Variants in ZHX3 observed in about 807,000 individuals in gnomAD.
The protein encoded by ZHX3 is zinc fingers and homeoboxes protein 3.
A neutral mutation model predicts 64.5 loss-of-function variants in ZHX3; 20 were observed. The observed-to-expected ratio is 0.31, with a 90% CI of 0.22 to 0.45. ZHX3 has a LOEUF of 0.45. Ranked by LOEUF, ZHX3 falls within the 20% of genes least tolerant of loss-of-function variation. ZHX3 has a pLI of 1.00. For missense variants in ZHX3, 1,041 were observed against 1,195.8 expected, an observed-to-expected ratio of 0.87 and a Z score of 1.91; for synonymous variants, 423 against 461.6, an observed-to-expected ratio of 0.92 and a Z score of 1.07.
chr20:41,204,898 A>C lies in ZHX3; in HGVS notation c.19T>G (p.Ser7Ala). The C allele has an allele frequency of 6.5e-7, 1 of 1,533,074 alleles. No individual in the cohort carries two copies. Among genetic ancestry groups the C allele is most frequent in the Non-Finnish European group, 8.8e-7 (1 of 1,141,008 alleles). 95.0% of individuals were successfully genotyped at this position (1,533,074 alleles called of 1,614,324 possible). The change falls in exon 3 of 4, where the codon TCC becomes GCC. Residue 7 changes from serine (S) to alanine (A), a missense_variant. By Grantham distance (99) the Ser-to-Ala change is moderately conservative. Coordinates refer to ENST00000683867, the MANE Select transcript of ZHX3 (RefSeq NM_001384317.1). This position sits in a 1 kb window ranked among gnomAD's most constrained non-coding sequence, Gnocchi z 6.6. MASKRK[S>A]TTPCMIPVKT... ...ACTGGGATCATGCATGGTGTGGTGG[A>C]TTTCCTCTTGCTGGCCATGGTGACA...
At chr20:41,308,684 T>G (rs1248875110) in intron 1 of ZHX3, among the ~76,000 whole-genome samples, 1 of 152,230 alleles carries the variant, frequency 6.6e-6, no homozygotes, top group Non-Finnish European at 1.5e-5. Flanking sequence ...GCTATTCTTT[T>G]GCAGGATTCC....
At chr20:41,265,190 C>A (rs2042776193) in intron 2 of ZHX3, among the ~76,000 whole-genome samples, 1 of 150,780 alleles carries the variant, frequency 6.6e-6, no homozygotes, top group African/African-American at 2.4e-5. Flanking sequence ...TCACTGAAGT[C>A]ATTACGATAA....
chr20:41,282,361 CTTTTT>C (rs568284480), intron 1 of ZHX3, among the ~76,000 whole-genome samples: 13 of 97,200 alleles, frequency 1.3e-4, no homozygotes, highest in African/African-American at 4.6e-4. Flanking sequence ...CACAATTCAT[CTTTTT>C]TTTTTTTTTT....
intron 2 of ZHX3, among the ~76,000 whole-genome samples, chr20:41,217,283 AG>A (rs2039596700): frequency 6.6e-6 from 1 of 152,150 alleles, no homozygotes; most frequent in Non-Finnish European, 1.5e-5. Flanking sequence ...CCAACCCCCT[AG>A]AAAAAAATGA....
chr20:41,277,242 C>T (rs765394271), intron 1 of ZHX3, among the ~76,000 whole-genome samples: 2 of 152,288 alleles, frequency 1.3e-5, no homozygotes, highest in Non-Finnish European at 2.9e-5. Context: ...AGCAGGACGA[C>T]TGCTAGAGCC....
intron 1 of ZHX3, among the ~76,000 whole-genome samples, chr20:41,301,185 CCTCTTCTTTAAG>C (rs1445498455): frequency 6.6e-6 from 1 of 152,088 alleles, no homozygotes; most frequent in Non-Finnish European, 1.5e-5. Context: ...CCAGCCTGAA[CCTCTTCTTTAAG>C]CTCCAGACTT....
intron 1 of ZHX3, among the ~76,000 whole-genome samples, chr20:41,298,383 G>T (rs1294572029): frequency 6.6e-6 from 1 of 152,186 alleles, no homozygotes; most frequent in African/African-American, 2.4e-5. Flanking sequence ...GACATGCTAT[G>T]AGGGCTCAAT....
rs553037360 is a variant in ZHX3, at chr20:41,315,981, C to CT, written c.-245+1527dup. ...AAGAAAAAAGCACTCCACCATGAGACTTCCCTTGTCTGAAATCTTACTTCA... is the reference window on the plus strand; with the variant it reads ...AAGAAAAAAGCACTCCACCATGAGACTTTCCCTTGTCTGAAATCTTACTTCA... On this transcript the variant is annotated intron_variant, in intron 1 of 3. Transcript: ENST00000683867. 3.9e-3 allele frequency among the ~76,000 whole-genome samples: 583 copies of CT among 150,320 alleles called. 8 individuals carry two copies. The highest frequency in any genetic ancestry group is 0.021 in the East Asian group (106 of 5,152).
chr20:41,187,565 G>A (rs760078982), intron 3 of ZHX3, among the ~76,000 whole-genome samples: 1 of 152,036 alleles, frequency 6.6e-6, no homozygotes, highest in African/African-American at 2.4e-5. Flanking sequence ...TTGCACCCCT[G>A]TCAAAAATCA....
intron 2 of ZHX3, chr20:41,213,783 G>C (rs1488772380): frequency 1.3e-5 from 2 of 152,296 alleles, no homozygotes; most frequent in South Asian, 4.1e-4. Context: ...TTTGGCAATA[G>C]TCCCAATGTC....
chr20:41,275,428 GC>G (rs1285823557), intron 1 of ZHX3, among the ~76,000 whole-genome samples: 1 of 152,022 alleles, frequency 6.6e-6, no homozygotes, highest in Non-Finnish European at 1.5e-5. Context: ...GTTGAAGAGG[GC>G]AAGGGAAAAA....
intron 1 of ZHX3, among the ~76,000 whole-genome samples, chr20:41,272,984 TC>T (rs1298888098): frequency 2.6e-5 from 4 of 152,186 alleles, no homozygotes; most frequent in Non-Finnish European, 5.9e-5. Context: ...CATTTTACAT[TC>T]CCACCAGCAA....
At chr20:41,207,400 A>G (rs967348542) in intron 2 of ZHX3, among the ~76,000 whole-genome samples, 15 of 152,232 alleles carry the variant, frequency 9.9e-5, no homozygotes, top group African/African-American at 3.6e-4. Context: ...CATTTGTCTC[A>G]GCACCACAGC....
intron 3 of ZHX3, among the ~76,000 whole-genome samples, chr20:41,199,040 G>A: frequency 6.6e-6 from 1 of 151,920 alleles, no homozygotes; most frequent in Middle Eastern, 3.4e-3. Context: ...CCATTTCAGG[G>A]ATTATACTTT....
chr20:41,294,136 G>A (rs1311202539), intron 1 of ZHX3, among the ~76,000 whole-genome samples: 2 of 152,206 alleles, frequency 1.3e-5, no homozygotes, highest in Non-Finnish European at 2.9e-5. Context: ...GGGAGTAGTA[G>A]CTCAGGGGAC....
At chr20:41,237,986 T>C (rs1402260989) in intron 2 of ZHX3, among the ~76,000 whole-genome samples, 2 of 152,160 alleles carry the variant, frequency 1.3e-5, no homozygotes, top group Non-Finnish European at 2.9e-5. Context: ...AACTATAAGA[T>C]CTTTGAGGTA....
chr20:41,311,235 AT>A (rs528116433), intron 1 of ZHX3, among the ~76,000 whole-genome samples: 57 of 151,790 alleles, frequency 3.8e-4, no homozygotes, highest in Admixed American at 2.8e-3. Flanking sequence ...TTTCTTGAGG[AT>A]TTTTTTTTCT....
intron 1 of ZHX3, among the ~76,000 whole-genome samples, chr20:41,276,194 T>C (rs1568932977): frequency 6.6e-6 from 1 of 152,062 alleles, no homozygotes; most frequent in Non-Finnish European, 1.5e-5. Flanking sequence ...GTCTGTGGGA[T>C]TTTTTTTGTT....
At chr20:41,241,658 A>G (rs1031877973) in intron 2 of ZHX3, among the ~76,000 whole-genome samples, 63 of 152,180 alleles carry the variant, frequency 4.1e-4, no homozygotes, top group East Asian at 1.9e-4. Context: ...AACTCTGTGT[A>G]TAATTTGAAG....
Sources: gnomAD v4.1 joint callset for allele counts (sites outside exome capture counted in the v4.1 genomes callset) on GRCh38, gnomAD v4.1.1 for gene constraint, Gnocchi (gnomAD v3.1) non-coding constraint, MANE v1.5 for transcripts, NCBI Gene and HGNC (gene_info 2026-07-23, HGNC 2026-07-21) for gene names.